MYRIP: variants seen among roughly 807,000 people sequenced by gnomAD.
MYRIP encodes the protein myosin VIIA and Rab interacting protein.
A neutral mutation model predicts 98.0 loss-of-function variants in MYRIP; 49 were observed. The observed-to-expected ratio is 0.50, with a 90% CI of 0.40 to 0.63. MYRIP has a LOEUF of 0.63. MYRIP is among the 30% of genes least tolerant of loss of function. MYRIP has a pLI of 0.00. For synonymous variants in MYRIP, 404 were observed against 409.5 expected (o/e 0.99, Z 0.16); for missense variants, 1,004 against 1,058.2 (o/e 0.95, Z 0.71).
At chr3:40,219,197 T>C (rs1003772069) in intron 11 of MYRIP, among the ~76,000 whole-genome samples, 1 of 152,180 alleles carries the variant, frequency 6.6e-6, no homozygotes, top group African/African-American at 2.4e-5. Flanking sequence ...GTTTAAAGGT[T>C]AAGTAAAAGA....
chr3:39,833,129 C>T (rs1033600265), intron 1 of MYRIP, among the ~76,000 whole-genome samples: 28 of 152,070 alleles, frequency 1.8e-4, no homozygotes, highest in Non-Finnish European at 3.2e-4. Flanking sequence ...AAGAAGCATG[C>T]TTCTGTGTAT....
chr3:40,138,426 C>A (rs1282164363), intron 3 of MYRIP, among the ~76,000 whole-genome samples: 1 of 152,176 alleles, frequency 6.6e-6, no homozygotes, highest in Non-Finnish European at 1.5e-5. Context: ...ACTATGTTGT[C>A]ATTGGTAAAT....
chr3:39,988,781 C>T (rs1039776606), intron 2 of MYRIP, among the ~76,000 whole-genome samples: 2 of 151,292 alleles, frequency 1.3e-5, no homozygotes, highest in African/African-American at 4.9e-5. Context: ...ATGCTGATAT[C>T]CTTTCTTCTG....
chr3:39,995,798 T>A (rs2125777712), intron 2 of MYRIP, among the ~76,000 whole-genome samples: 1 of 152,294 alleles, frequency 6.6e-6, no homozygotes, highest in East Asian at 1.9e-4. Context: ...AAGGTCGGGT[T>A]ACCCACAAAG....
At chr3:40,023,281 C>T (rs1243231384) in intron 2 of MYRIP, among the ~76,000 whole-genome samples, 1 of 152,176 alleles carries the variant, frequency 6.6e-6, no homozygotes, top group African/African-American at 2.4e-5. Context: ...TCTGATGTGT[C>T]AGTCAGGGTT....
chr3:40,052,066 A>C (rs1263302096), intron 3 of MYRIP, among the ~76,000 whole-genome samples: 1 of 152,076 alleles, frequency 6.6e-6, no homozygotes, highest in African/African-American at 2.4e-5. Flanking sequence ...AGCTATTTTG[A>C]AATATACAAT....
rs1951150586 is a variant in MYRIP at position 40,189,820 on chromosome 3, C to T, written c.1028-6C>T. ...TCTCTGCTTTCTCTATCCTCTCCAT[C>T]CACAGACCTGGCCCCAGTTTTGCAG... On this transcript the variant is annotated splice_polypyrimidine_tract_variant and splice_region_variant and intron_variant, in intron 9 of 16. Coordinates refer to ENST00000302541, the MANE Select transcript of MYRIP (RefSeq NM_015460.4). 1 of 1,602,894 alleles carries T rather than the reference C, an allele frequency of 6.2e-7. No homozygotes were observed. Among genetic ancestry groups the T allele is most frequent in the Non-Finnish European group, 8.5e-7 (1 of 1,175,102 alleles).
Position 40,072,301 on chromosome 3 carries a change from C to T in MYRIP, c.332+28030C>T, listed in dbSNP as rs1575513974. ...TTGGCTTACTGCAACCTCTACCTCCCGAGTTCAAGCAATTCTCATGTTTCA... is the reference window on the plus strand; with the variant it reads ...TTGGCTTACTGCAACCTCTACCTCCTGAGTTCAAGCAATTCTCATGTTTCA... On this transcript the variant is annotated intron_variant, in intron 3 of 16. Transcript: ENST00000302541. 3.9e-5 allele frequency among the ~76,000 whole-genome samples: 6 copies of T among 152,058 alleles called. No homozygotes were observed. In the South Asian group the frequency reaches 1.2e-3, roughly 32 times the overall value.
intron 12 of MYRIP, among the ~76,000 whole-genome samples, chr3:40,243,631 A>G (rs7629061): frequency 0.51 from 77,889 of 151,350 alleles, 20,719 homozygotes; most frequent in East Asian, 0.75. Context: ...CTCATTTCTT[A>G]TGTTGTTGGT....
intron 2 of MYRIP, among the ~76,000 whole-genome samples, chr3:39,983,303 A>G (rs751375724): frequency 1.3e-4 from 20 of 152,222 alleles, no homozygotes; most frequent in Non-Finnish European, 2.5e-4. Context: ...CTAAAACAAC[A>G]CAAAAGGTAA....
At chr3:40,214,118 T>C (rs890241683) in intron 11 of MYRIP, among the ~76,000 whole-genome samples, 1 of 152,228 alleles carries the variant, frequency 6.6e-6, no homozygotes, top group Non-Finnish European at 1.5e-5. Flanking sequence ...AGGGTCATCT[T>C]CTGGGGGAGC....
intron 8 of MYRIP, among the ~76,000 whole-genome samples, chr3:40,179,884 A>G (rs970100052): frequency 6.6e-5 from 10 of 152,354 alleles, no homozygotes; most frequent in African/African-American, 1.9e-4. Flanking sequence ...CTCTTGATAC[A>G]TGGAGGTTTG....
At chr3:40,070,374 A>G (rs2125857991) in intron 3 of MYRIP, among the ~76,000 whole-genome samples, 1 of 152,356 alleles carries the variant, frequency 6.6e-6, no homozygotes, top group African/African-American at 2.4e-5. Context: ...AGTGAGGCCA[A>G]GGAAGCATGG....
intron 1 of MYRIP, among the ~76,000 whole-genome samples, chr3:39,810,182 C>A (rs1940623188): frequency 6.6e-6 from 1 of 152,214 alleles, no homozygotes; most frequent in Admixed American, 6.5e-5. Flanking sequence ...GGTGGGAGCT[C>A]GCCTCTGCGT....
intron 1 of MYRIP, among the ~76,000 whole-genome samples, chr3:39,826,965 T>C (rs1009043865): frequency 2.0e-5 from 3 of 152,198 alleles, no homozygotes; most frequent in African/African-American, 4.8e-5. Context: ...TATAGAAGTA[T>C]AGCTACTCCT....
intron 3 of MYRIP, chr3:40,071,309 G>T (rs1948221337): frequency 3.5e-6 from 2 of 566,096 alleles, no homozygotes; most frequent in Non-Finnish European, 4.5e-6. Context: ...ATTATATGGG[G>T]TGCACTGGTT....
At chr3:40,181,218 G>T (rs1950875978) in intron 8 of MYRIP, among the ~76,000 whole-genome samples, 1 of 151,616 alleles carries the variant, frequency 6.6e-6, no homozygotes, top group Admixed American at 6.6e-5. Flanking sequence ...TGTAGCCGAG[G>T]TGGTCACGGA....
At chr3:40,240,126 G>A (rs1353222216) in intron 12 of MYRIP, among the ~76,000 whole-genome samples, 14 of 146,132 alleles carry the variant, frequency 9.6e-5, no homozygotes, top group African/African-American at 3.4e-4. Context: ...TTCTACATAT[G>A]GCTAGCCAGT....
chr3:39,891,902 T>C (rs1943497565), intron 1 of MYRIP, among the ~76,000 whole-genome samples: 1 of 134,184 alleles, frequency 7.5e-6, no homozygotes, highest in Admixed American at 7.6e-5. Flanking sequence ...ACACATACCT[T>C]TTCTGTTTTT....
Sources: allele counts gnomAD v4.1 joint callset (sites outside exome capture counted in the v4.1 genomes callset), GRCh38; gene constraint gnomAD v4.1.1; transcripts MANE v1.5; gene names NCBI Gene and HGNC (gene_info 2026-07-23, HGNC 2026-07-21).